AKNAD1: variants seen among roughly 807,000 people sequenced by gnomAD.
The protein encoded by AKNAD1 is protein AKNAD1.
Under a neutral mutation model 90.8 loss-of-function variants are expected in AKNAD1, and 67 were observed. That is an observed-to-expected ratio of 0.74 (90% CI 0.61 to 0.90). AKNAD1 has a LOEUF of 0.90. AKNAD1 is among the 40% of genes least tolerant of loss of function. AKNAD1 has a pLI of 0.00. For missense variants in AKNAD1, 957 were observed against 975.4 expected, an observed-to-expected ratio of 0.98 and a Z score of 0.25; for synonymous variants, 327 against 341.4, an observed-to-expected ratio of 0.96 and a Z score of 0.46.
Position 108,834,545 on chromosome 1 carries a change from A to G in AKNAD1, c.1665-17T>C, listed in dbSNP as rs751416332. ...TTTAGGTAACTAATTTAAAAAAAAA[A>G]AAAGCAGTTTGAATGTTAGAATCAG... On this transcript the variant is annotated splice_polypyrimidine_tract_variant and intron_variant, in intron 8 of 15. Coordinates refer to ENST00000370001, the MANE Select transcript of AKNAD1 (RefSeq NM_152763.5). The G allele has an allele frequency of 6.3e-6, 10 of 1,580,830 alleles. No homozygotes were observed. Among genetic ancestry groups the G allele is most frequent in the Admixed American group, 1.8e-5 (1 of 55,738 alleles).
intron 11 of AKNAD1, among the ~76,000 whole-genome samples, chr1:108,823,936 T>G (rs1663907810): frequency 6.6e-6 from 1 of 152,232 alleles, no homozygotes. Context: ...CATACATATT[T>G]AGGCTTAGTA....
At position 108,851,747 on chromosome 1, in the gene AKNAD1, C is replaced by T. The variant is rs143559172; in HGVS notation, c.918G>A (p.Thr306=). 194 of 1,612,200 alleles carry T rather than the reference C, an allele frequency of 1.2e-4. No individual in the cohort carries two copies. Among genetic ancestry groups the T allele is most frequent in the Middle Eastern group, 1.6e-4 (1 of 6,064 alleles). ...PTLVQDSLET[T]PESNCVEKQH... is the part of the protein sequence containing the mutation. Reference sequence around the variant, plus strand: ...GTTTTTCAACACAGTTTGACTCAGGCGTGGTTTCTAGACTATCTTGCACAA... The same window carrying T: ...GTTTTTCAACACAGTTTGACTCAGGTGTGGTTTCTAGACTATCTTGCACAA... Residue 306 remains threonine, a synonymous_variant, in exon 2 of 16, where the codon ACG becomes ACA. Transcript: ENST00000370001.
rs751827825 is a variant in AKNAD1 at position 108,852,189 on chromosome 1, G to T, written c.476C>A (p.Ser159Tyr). Reference protein sequence around the residue: ...KSIISCYNKNSWPKEQTPELT... With the variant: ...KSIISCYNKNYWPKEQTPELT... ...TTCTGGGGTTTGTTCTTTTGGCCAA[G>T]AATTCTTATTATAACATGAAATAAT... Residue 159 changes from serine (S) to tyrosine (Y), a missense_variant, in exon 2 of 16, where the codon TCT becomes TAT. Coordinates refer to ENST00000370001, the MANE Select transcript of AKNAD1 (RefSeq NM_152763.5). The T allele has an allele frequency of 8.7e-6, 14 of 1,613,638 alleles. No individual in the cohort carries two copies. The highest frequency in any genetic ancestry group is 1.7e-5 in the Admixed American group (1 of 59,890).
intron 10 of AKNAD1, among the ~76,000 whole-genome samples, chr1:108,829,006 A>G (rs997363831): frequency 6.6e-6 from 1 of 151,892 alleles, no homozygotes; most frequent in African/African-American, 2.4e-5. Flanking sequence ...TATGTAATTT[A>G]TCCACTTATA....
In AKNAD1 at chr1:108,820,584, G is replaced by A; in HGVS notation, c.2210C>T (p.Ser737Leu). 2 of 1,611,326 alleles carry A rather than the reference G, an allele frequency of 1.2e-6. No individual in the cohort carries two copies. The highest frequency in any genetic ancestry group is 1.7e-6 in the Non-Finnish European group (2 of 1,178,106). ...PKRICSQRVNSKSFKGEHEPT... is the reference protein window; with the variant it reads ...PKRICSQRVNLKSFKGEHEPT... ...CTCATGTTCACCTTTAAAGGATTTT[G>A]AATTCACTCTCTGAGAACAGATCCG... Residue 737 changes from serine (S) to leucine (L), a missense_variant, in exon 14 of 16, where the codon TCA becomes TTA. Transcript: ENST00000370001.
intron 10 of AKNAD1, among the ~76,000 whole-genome samples, chr1:108,827,813 C>CAAAAAAA (rs11369356): frequency 8.7e-6 from 1 of 115,092 alleles, no homozygotes; most frequent in African/African-American, 3.2e-5. Context: ...GACTCCTACT[C>CAAAAAAA]AAAAAAAAAA....
Position 108,835,776 on chromosome 1 carries a change from C to T in AKNAD1, c.1537-720G>A, listed in dbSNP as rs533580642. Among the ~76,000 whole-genome samples the T allele has an allele frequency of 2.0e-5, 3 of 152,166 alleles. No individual in the cohort carries two copies. The South Asian group carries it at 6.2e-4, about 32-fold the overall frequency. On this transcript the variant is annotated intron_variant, in intron 7 of 15. Transcript: ENST00000370001. ...AGTAGCTGGGATTACAGGCGCCCGC[C>T]ACCACGCCCGGCTAATTTTTTGTAT...
intron 1 of AKNAD1, among the ~76,000 whole-genome samples, chr1:108,853,334 T>C (rs1038452581): frequency 2.6e-5 from 4 of 151,890 alleles, no homozygotes; most frequent in Admixed American, 1.3e-4. Flanking sequence ...GGTTTCACCA[T>C]ATTAGCCAGG....
chr1:108,842,779 C>T (rs1239602268), intron 6 of AKNAD1, among the ~76,000 whole-genome samples: 1 of 152,002 alleles, frequency 6.6e-6, no homozygotes, highest in Admixed American at 6.6e-5. Context: ...AGAAGAGGGC[C>T]CTCTGTGGTT....
chr1:108,843,587 T>C (rs1164233637), intron 5 of AKNAD1, among the ~76,000 whole-genome samples: 2 of 152,260 alleles, frequency 1.3e-5, no homozygotes, highest in Non-Finnish European at 2.9e-5. Context: ...GAATGGTTTT[T>C]AGCTTACAAA....
chr1:108,818,245 C>T (rs970027026), intron 14 of AKNAD1, among the ~76,000 whole-genome samples: 5 of 152,338 alleles, frequency 3.3e-5, no homozygotes, highest in Admixed American at 1.3e-4. Context: ...CTCTGTTAAG[C>T]ATTACTTTGG....
At position 108,823,423 on chromosome 1, in the gene AKNAD1, CT is replaced by C. The variant is rs1229444711; in HGVS notation, c.2113del (p.Arg705GlufsTer10). The C allele has an allele frequency of 6.2e-7, 1 of 1,614,194 alleles. No homozygotes were observed. Among genetic ancestry groups the C allele is most frequent in the Admixed American group, 1.7e-5 (1 of 60,024 alleles). On this transcript the variant is annotated frameshift_variant, in exon 13 of 16. Coordinates refer to ENST00000370001, the MANE Select transcript of AKNAD1 (RefSeq NM_152763.5). LOFTEE classifies it high-confidence loss of function. ...PGQNYSNHSK[R>X]GAFVQPHSLD... ...AGAATGGGGCTGGACAAAGGCACCT[CT>C]TTTGCTATGATTTGAGTAATTCTGT...
intron 14 of AKNAD1, 26 bp downstream of exon 14, chr1:108,820,519 G>A (rs372471629): frequency 8.8e-6 from 13 of 1,469,254 alleles, no homozygotes; most frequent in Admixed American, 6.8e-5. Flanking sequence ...GAAATATTTT[G>A]TTACTGATAA....
At chr1:108,820,482 A>C in intron 14 of AKNAD1, 63 bp downstream of exon 14, 1 of 1,111,236 alleles carries the variant, frequency 9.0e-7, no homozygotes, top group Admixed American at 1.7e-5. Context: ...TGCACTATCA[A>C]GTACACTGTA....
At chr1:108,845,809 G>A (rs1422093642) in intron 5 of AKNAD1, among the ~76,000 whole-genome samples, 2 of 152,188 alleles carry the variant, frequency 1.3e-5, no homozygotes, top group Non-Finnish European at 2.9e-5. Context: ...TGTCCGAAGT[G>A]AAGAGAGACA....
chr1:108,835,396 A>G (rs1206776066), intron 7 of AKNAD1, among the ~76,000 whole-genome samples: 2 of 152,148 alleles, frequency 1.3e-5, no homozygotes, highest in African/African-American at 4.8e-5. Context: ...CGTTACTTAT[A>G]TTAACTCATT....
chr1:108,839,113 T>C (rs1280342591), intron 6 of AKNAD1, among the ~76,000 whole-genome samples: 1 of 152,198 alleles, frequency 6.6e-6, no homozygotes, highest in African/African-American at 2.4e-5. Flanking sequence ...GTATAGAACC[T>C]TGGAGTTCAC....
intron 5 of AKNAD1, among the ~76,000 whole-genome samples, chr1:108,846,940 G>C (rs1664721237): frequency 6.6e-6 from 1 of 151,970 alleles, no homozygotes; most frequent in Admixed American, 6.6e-5. Flanking sequence ...ACCCAAGCCA[G>C]AAATCTGGAG....
intron 6 of AKNAD1, among the ~76,000 whole-genome samples, chr1:108,839,900 C>G (rs971058725): frequency 3.3e-5 from 5 of 152,012 alleles, no homozygotes; most frequent in African/African-American, 1.2e-4. Flanking sequence ...TGGCATGCAC[C>G]TGTAGTCCCT....
Sources: gnomAD v4.1 joint callset for allele counts (sites outside exome capture counted in the v4.1 genomes callset) on GRCh38, gnomAD v4.1.1 for gene constraint, MANE v1.5 for transcripts, NCBI Gene and HGNC (gene_info 2026-07-23, HGNC 2026-07-21) for gene names.